The following CFAP47 variants were observed in gnomAD, a reference collection of about 807,000 sequenced individuals.
CFAP47 encodes the protein cilia and flagella associated protein 47, also known as cilia- and flagella-associated protein 47.
CFAP47 carries 29 observed loss-of-function variants against 148.1 expected under a neutral mutation model. The ratio of observed to expected loss-of-function variants is 0.20; its 90% confidence interval spans 0.15 to 0.27. CFAP47 has a LOEUF of 0.27. CFAP47 is among the 10% of genes least tolerant of loss of function. The pLI is 1.00. For synonymous variants in CFAP47, 664 were observed against 577.3 expected, an observed-to-expected ratio of 1.15 and a Z score of -2.15; for missense variants, 1,872 against 1,697.5, an observed-to-expected ratio of 1.10 and a Z score of -1.81.
chrX:36,001,644 A>G lies in CFAP47; in HGVS notation c.3354A>G (p.Ile1118Met), dbSNP rs1482102431. ...TTAAAGACCCTGCAGTTCCTTATAT[A>G]TATTCTTTGGAATTAGAGGAAAATA... ...EEFKDPAVPY[I>M]YSLELEENTS... Residue 1118 changes from isoleucine (I) to methionine (M), a missense_variant, in exon 21 of 64, where the codon ATA becomes ATG. Ile to Met is a conservative substitution (Grantham distance 10). Transcript: ENST00000378653. The G allele has an allele frequency of 3.4e-6, 1 of 294,563 alleles. No individual in the cohort carries two copies. Among genetic ancestry groups the G allele is most frequent in the African/African-American group, 2.7e-5 (1 of 36,382 alleles). The allele number at this position is 294,563 out of a possible 1,213,427, so 24.3% of individuals were successfully genotyped here.
chrX:36,182,828 A>G (rs1269580953), intron 40 of CFAP47, among the ~76,000 whole-genome samples: 2 of 112,607 alleles, frequency 1.8e-5, no homozygotes, highest in African/African-American at 6.5e-5. Context: ...GTTTTCCTCT[A>G]CTTAGGCTCA....
intron 24 of CFAP47, 48 bp from the exon 25 acceptor site, chrX:36,038,934 TTG>T (rs1159481305): frequency 3.2e-6 from 2 of 615,433 alleles, no homozygotes; most frequent in Non-Finnish European, 4.7e-6. Context: ...TGTAAATTTT[TTG>T]TGTGTTTTAA....
At position 36,344,385 on chromosome X, in the gene CFAP47, C is replaced by T. The variant is rs376962731; in HGVS notation, c.8444-3744C>T. 5.5e-5 allele frequency among the ~76,000 whole-genome samples: 6 copies of T among 109,416 alleles called. No homozygotes were observed. The South Asian group carries it at 2.0e-3, about 36-fold the overall frequency. On this transcript the variant is annotated intron_variant, in intron 57 of 63. Transcript: ENST00000378653. Reference sequence around the variant, plus strand: ...CAAAGTTCTTTTCAATGTTAATTTTCAGTGATTTCTTGGAAGTTAACAGCA... The same window carrying T: ...CAAAGTTCTTTTCAATGTTAATTTTTAGTGATTTCTTGGAAGTTAACAGCA...
At chrX:35,925,873 T>C in intron 1 of CFAP47, 144 bp from the exon 2 acceptor site, 1 of 409,753 alleles carries the variant, frequency 2.4e-6, no homozygotes, top group Non-Finnish European at 4.2e-6. Context: ...GCCAGGATGG[T>C]CTCGATCTCC....
intron 57 of CFAP47, among the ~76,000 whole-genome samples, chrX:36,319,767 A>G (rs1393532234): frequency 9.0e-6 from 1 of 111,171 alleles, no homozygotes; most frequent in East Asian, 2.8e-4. Context: ...ATTACAGGGT[A>G]TAAATTTTTG....
intron 45 of CFAP47, 58 bp downstream of exon 45, chrX:36,205,168 C>T (rs1773673525): frequency 2.1e-5 from 6 of 292,381 alleles, no homozygotes; most frequent in Non-Finnish European, 3.0e-5. Flanking sequence ...GATGTATTCA[C>T]TTCACAGTTG....
intron 15 of CFAP47, among the ~76,000 whole-genome samples, chrX:35,981,554 G>T (rs934591202): frequency 9.1e-6 from 1 of 110,298 alleles, no homozygotes; most frequent in East Asian, 2.8e-4. Context: ...TAGGTTCAGG[G>T]GTACATGTGC....
intron 60 of CFAP47, among the ~76,000 whole-genome samples, chrX:36,353,925 T>G (rs782557526): frequency 8.9e-6 from 1 of 111,845 alleles, no homozygotes; most frequent in Non-Finnish European, 1.9e-5. Context: ...CCATCAATAG[T>G]GAGAAGAGAG....
At chrX:36,004,385 A>G (rs748990066) in intron 21 of CFAP47, among the ~76,000 whole-genome samples, 2 of 111,262 alleles carry the variant, frequency 1.8e-5, no homozygotes, top group African/African-American at 3.3e-5. Flanking sequence ...GAATATTGCT[A>G]ACCAGGGAGG....
chrX:36,188,186 G>A (rs1555985952), intron 40 of CFAP47, among the ~76,000 whole-genome samples: 1 of 111,556 alleles, frequency 9.0e-6, no homozygotes, highest in Non-Finnish European at 1.9e-5. Flanking sequence ...ACAAGCAAAT[G>A]TGGAGATAAT....
At chrX:36,223,506 G>A (rs374941438) in intron 45 of CFAP47, among the ~76,000 whole-genome samples, 1 of 110,844 alleles carries the variant, frequency 9.0e-6, no homozygotes, top group East Asian at 2.8e-4. Flanking sequence ...ACTATTGTTT[G>A]TTAATAATAT....
chrX:36,134,684 A>T (rs1288070245), intron 33 of CFAP47, among the ~76,000 whole-genome samples: 1 of 111,414 alleles, frequency 9.0e-6, no homozygotes, highest in Non-Finnish European at 1.9e-5. Flanking sequence ...ATATACATAC[A>T]TATATACACG....
chrX:36,384,592 G>A (rs1602141520), intron 63 of CFAP47, among the ~76,000 whole-genome samples: 1 of 111,774 alleles, frequency 8.9e-6, no homozygotes, highest in East Asian at 2.8e-4. Context: ...ATCTCTGAGA[G>A]ATTTTTTAGT....
intron 46 of CFAP47, among the ~76,000 whole-genome samples, chrX:36,233,265 T>C (rs1602059365): frequency 9.0e-6 from 1 of 111,565 alleles, no homozygotes; most frequent in African/African-American, 3.3e-5. Flanking sequence ...TCTTTGTAGG[T>C]CACTCAGGAC....
chrX:36,206,096 G>A (rs1459617058), intron 45 of CFAP47, among the ~76,000 whole-genome samples: 2 of 111,736 alleles, frequency 1.8e-5, no homozygotes, highest in African/African-American at 6.5e-5. Context: ...AGGGATGATA[G>A]ATCCTATGGT....
intron 45 of CFAP47, among the ~76,000 whole-genome samples, chrX:36,227,583 A>G (rs1223786344): frequency 8.9e-6 from 1 of 111,863 alleles, no homozygotes; most frequent in African/African-American, 3.2e-5. Context: ...ATTTCATTGT[A>G]TTTGAAAACA....
chrX:36,306,835 A>G lies in CFAP47; in HGVS notation c.8146A>G (p.Arg2716Gly), dbSNP rs1602101636. ...TCTCTTTTATCCTTCTGCACTTGGA[A>G]GAGCTGATCATCAAGCTTGCATCAA... is the stretch of plus-strand genomic sequence containing the variant. ...PVLFYPSALG[R>G]ADHQACINFY... The change falls in exon 55 of 64, where the codon AGA (arginine) becomes GGA (glycine). Residue 2716 changes from arginine to glycine, a missense_variant. By Grantham distance (125) the Arg-to-Gly change is moderately radical. Coordinates refer to ENST00000378653, the MANE Select transcript of CFAP47 (RefSeq NM_001304548.2). 3.5e-6 allele frequency: 4 copies of G among 1,157,056 alleles called. No homozygotes were observed. Among genetic ancestry groups the G allele is most frequent in the Non-Finnish European group, 4.6e-6 (4 of 864,811 alleles).
At chrX:36,232,160 A>G (rs1468991516) in intron 46 of CFAP47, among the ~76,000 whole-genome samples, 4 of 110,903 alleles carry the variant, frequency 3.6e-5, no homozygotes, top group Non-Finnish European at 7.6e-5. Context: ...CTCTTTTTCT[A>G]TTGATTGGAA....
intron 59 of CFAP47, among the ~76,000 whole-genome samples, chrX:36,350,436 A>G (rs191214485): frequency 1.5e-3 from 172 of 111,186 alleles, no homozygotes; most frequent in Non-Finnish European, 2.2e-3. Context: ...TCTCAGGTAT[A>G]CTTGCTCTCA....
Sources: gnomAD v4.1 joint callset for allele counts (sites outside exome capture counted in the v4.1 genomes callset) on GRCh38, gnomAD v4.1.1 for gene constraint, MANE v1.5 for transcripts, NCBI Gene and HGNC (gene_info 2026-07-23, HGNC 2026-07-21) for gene names.